The following GAREM2 variants were observed in gnomAD, a reference collection of about 807,000 sequenced individuals.
GAREM2 encodes the protein GRB2 associated regulator of MAPK1 subtype 2, also known as GRB2-associated and regulator of MAPK protein 2.
GAREM2 carries 30 observed loss-of-function variants against 55.6 expected under a neutral mutation model. The observed-to-expected ratio is 0.54, with a 90% CI of 0.40 to 0.73. The LOEUF (loss-of-function observed/expected upper bound fraction) is 0.73. Ranked by LOEUF, GAREM2 falls within the 30% of genes least tolerant of loss-of-function variation. The pLI, the probability that GAREM2 is intolerant of heterozygous loss-of-function variation, is 0.00. For missense variants in GAREM2, 1,075 were observed against 1,257.7 expected (o/e 0.85, Z 2.20); for synonymous variants, 550 against 569.1 (o/e 0.97, Z 0.48).
chr2:26,193,821 C>T (rs1260233636), downstream of GAREM2: 28 of 1,450,174 alleles, frequency 1.9e-5, no homozygotes, highest in Non-Finnish European at 2.7e-5. Context: ...AGCCCAAATC[C>T]CCCCAAAGGG....
At chr2:26,203,929 A>G in the GAREM2 span, 2 of 896,458 alleles carry the variant, frequency 2.2e-6, no homozygotes, top group Non-Finnish European at 3.7e-6. Context: ...TCTAGAACTC[A>G]TTATGTTCAG....
downstream of GAREM2, chr2:26,192,447 G>A: frequency 1.6e-6 from 2 of 1,238,888 alleles, no homozygotes; most frequent in Non-Finnish European, 2.4e-6. Context: ...AGAAAAGGGA[G>A]TGTTACTATT....
Position 26,187,116 on chromosome 2 carries a change from G to A in GAREM2, c.1599-115G>A, listed in dbSNP as rs544207811. 2.3e-6 allele frequency: 3 copies of A among 1,302,586 alleles called. No individual in the cohort carries two copies. The African/African-American group carries it at 4.6e-5, about 20-fold the overall frequency. The allele number at this position is 1,302,586 out of a possible 1,614,324, so 80.7% of individuals were successfully genotyped here. A position where few individuals can be genotyped will look rare whatever the true frequency, so the allele number is the denominator to read the frequency against. ...GAGGGTCTTGGGCTGGGGCTGGGGTGCAGGCCCGTGTTGCTGAGGTCATAG... is the reference window on the plus strand; with the variant it reads ...GAGGGTCTTGGGCTGGGGCTGGGGTACAGGCCCGTGTTGCTGAGGTCATAG... On this transcript the variant is annotated intron_variant, in intron 5 of 5. Transcript: ENST00000401533.
the GAREM2 span, among the ~76,000 whole-genome samples, chr2:26,200,258 G>A: frequency 2.0e-5 from 3 of 152,112 alleles, no homozygotes; most frequent in African/African-American, 7.2e-5. Context: ...ATCATTTCAT[G>A]TTCACCTTTC....
chr2:26,190,925 C>G, downstream of GAREM2: 1 of 480,198 alleles, frequency 2.1e-6, no homozygotes, highest in Non-Finnish European at 3.8e-6. Context: ...CAGAACTGCC[C>G]TCACCACCCC....
At chr2:26,175,393 A>G (rs1022907446) in intron 1 of GAREM2, among the ~76,000 whole-genome samples, 1 of 152,120 alleles carries the variant, frequency 6.6e-6, no homozygotes, top group South Asian at 2.1e-4. Flanking sequence ...CCCAGGCCCC[A>G]GGGCTGGGCC....
chr2:26,178,959 G>A (rs1668955860), intron 2 of GAREM2, among the ~76,000 whole-genome samples: 1 of 151,728 alleles, frequency 6.6e-6, no homozygotes, highest in African/African-American at 2.4e-5. Context: ...GGCGCTGAGT[G>A]CACGGCTGGG....
chr2:26,198,293 T>G, the GAREM2 span, among the ~76,000 whole-genome samples: 28 of 152,250 alleles, frequency 1.8e-4, no homozygotes, highest in African/African-American at 6.0e-4. Context: ...CTATTAACTA[T>G]TAGCTTTATC....
intron 2 of GAREM2, among the ~76,000 whole-genome samples, chr2:26,178,889 A>AGGAGGAGGAGGCGGAGGCGGAGGC (rs1553309896): frequency 4.0e-5 from 6 of 149,704 alleles, no homozygotes; most frequent in Non-Finnish European, 5.9e-5. Flanking sequence ...GGAGGGGAGG[A>AGGAGGAGGAGGCGGAGGCGGAGGC]GGAGGCGGAG....
Position 26,185,158 on chromosome 2 carries a change from G to A in GAREM2, c.1310G>A (p.Gly437Glu), listed in dbSNP as rs1216919109. 1.0e-5 allele frequency: 15 copies of A among 1,504,376 alleles called. No individual in the cohort carries two copies. Among genetic ancestry groups the A allele is most frequent in the Middle Eastern group, 4.6e-4 (2 of 4,306 alleles). 93.2% of individuals were successfully genotyped at this position (1,504,376 alleles called of 1,614,324 possible). A position where few individuals can be genotyped will look rare whatever the true frequency, so the allele number is the denominator to read the frequency against. The change falls in exon 4 of 6, where the codon GGG becomes GAG. Residue 437 changes from glycine to glutamate, a missense_variant. Physicochemically the swap from Gly to Glu is moderately conservative, Grantham distance 98 (BLOSUM62 -2). Coordinates refer to ENST00000401533, the MANE Select transcript of GAREM2 (RefSeq NM_001168241.2). ...TACGAGGAGTTGTGGGCGCACCAGG[G>A]GCCCGAGGGCCTCGTCCGGCCGCCC... ...IPYEELWAHQ[G>E]PEGLVRPPPG...
At chr2:26,196,790 C>A in the GAREM2 span, among the ~76,000 whole-genome samples, 1 of 152,164 alleles carries the variant, frequency 6.6e-6, no homozygotes, top group Non-Finnish European at 1.5e-5. Context: ...AACGGCATCG[C>A]CTGTACTGAT....
chr2:26,187,356 C>T lies in GAREM2; in HGVS notation c.1724C>T (p.Pro575Leu), dbSNP rs763394474. Residue 575 changes from proline to leucine, a missense_variant, in exon 6 of 6, where the codon CCC (proline) becomes CTC (leucine). Physicochemically the swap from Pro to Leu is moderately conservative, Grantham distance 98 (BLOSUM62 -3). Coordinates refer to ENST00000401533, the MANE Select transcript of GAREM2 (RefSeq NM_001168241.2). ...AGCCGCCCAGCCCCCGGTCCCCTAC[C>T]CTCAACCACACAGCCCAGCCAGGCC... ...SSSRPAPGPL[P>L]STTQPSQASR... 1.3e-6 allele frequency: 2 copies of T among 1,546,874 alleles called. No homozygotes were observed. The highest frequency in any genetic ancestry group is 2.0e-5 in the Admixed American group (1 of 50,210).
chr2:26,188,122 C>T lies in GAREM2; in HGVS notation c.2490C>T (p.Phe830=). The change falls in exon 6 of 6, where the codon TTC becomes TTT. Residue 830 remains phenylalanine (F), a synonymous_variant. Coordinates refer to ENST00000401533, the MANE Select transcript of GAREM2 (RefSeq NM_001168241.2). ...FIGLSEDVVS[F]FARERIDGSI... Reference sequence around the variant, plus strand: ...GGCTCTCAGAGGATGTGGTGAGCTTCTTTGCCCGAGAACGCATCGATGGTA... The same window carrying T: ...GGCTCTCAGAGGATGTGGTGAGCTTTTTTGCCCGAGAACGCATCGATGGTA... The T allele has an allele frequency of 6.4e-7, 1 of 1,551,496 alleles. No homozygotes were observed. The highest frequency in any genetic ancestry group is 8.7e-7 in the Non-Finnish European group (1 of 1,146,826).
At chr2:26,178,950 G>T (rs1162819210) in intron 2 of GAREM2, among the ~76,000 whole-genome samples, 1 of 149,844 alleles carries the variant, frequency 6.7e-6, no homozygotes, top group East Asian at 2.1e-4. Flanking sequence ...TAACGAGGAG[G>T]CGCTGAGTGC....
At chr2:26,203,975 A>G in the GAREM2 span, 3 of 1,350,380 alleles carry the variant, frequency 2.2e-6, no homozygotes, top group Non-Finnish European at 3.2e-6. Context: ...ACAAACAAAC[A>G]AAAAAACCCA....
Position 26,176,490 on chromosome 2 carries a change from T to C in GAREM2, c.253+6T>C. 6.5e-7 allele frequency: 1 copy of C among 1,538,640 alleles called. No individual in the cohort carries two copies. The highest frequency in any genetic ancestry group is 8.8e-7 in the Non-Finnish European group (1 of 1,139,456). ...CATCCCCCTGCAGTACCCAGGTGTGTCCAGCCAGGACAGATGTCATAAAGC... is the reference window on the plus strand; with the variant it reads ...CATCCCCCTGCAGTACCCAGGTGTGCCCAGCCAGGACAGATGTCATAAAGC... On this transcript the variant is annotated splice_donor_region_variant and intron_variant, in intron 2 of 5. Coordinates refer to ENST00000401533, the MANE Select transcript of GAREM2 (RefSeq NM_001168241.2).
Position 26,187,581 on chromosome 2 carries a change from C to T in GAREM2, c.1949C>T (p.Pro650Leu), listed in dbSNP as rs1669321237. The T allele has an allele frequency of 6.5e-7, 1 of 1,548,526 alleles. No homozygotes were observed. Among genetic ancestry groups the T allele is most frequent in the Non-Finnish European group, 8.7e-7 (1 of 1,145,414 alleles). ...CCTTCAGCGGCCTTGTCTTCTGGGCCCAGAACCACCTCGGGTCCTGTGGCT... is the reference window on the plus strand; with the variant it reads ...CCTTCAGCGGCCTTGTCTTCTGGGCTCAGAACCACCTCGGGTCCTGTGGCT... ...SGPSAALSSG[P>L]RTTSGPVATS... Residue 650 changes from proline (P) to leucine (L), a missense_variant, in exon 6 of 6, where the codon CCC becomes CTC. Pro to Leu is a moderately conservative substitution (Grantham distance 98, BLOSUM62 -3). Around this residue, in one of 6 missense-constraint regions of GAREM2, gnomAD observed 515 missense variants for 501.5 expected, o/e 1.03. Transcript: ENST00000401533.
rs537981003 is a variant in GAREM2 at position 26,188,078 on chromosome 2, C to T, written c.2446C>T (p.Arg816Cys). ...LSALSLEEVSRSLRFIGLSED... is the reference protein window; with the variant it reads ...LSALSLEEVSCSLRFIGLSED... ...TGCACTCTCCCTGGAGGAGGTCTCTCGCAGTCTGCGTTTCATCGGGCTCTC... is the reference window on the plus strand; with the variant it reads ...TGCACTCTCCCTGGAGGAGGTCTCTTGCAGTCTGCGTTTCATCGGGCTCTC... The change falls in exon 6 of 6, where the codon CGC (arginine) becomes TGC (cysteine). Residue 816 changes from arginine to cysteine, a missense_variant. By Grantham distance (180) the Arg-to-Cys change is radical. Transcript: ENST00000401533. The T allele has an allele frequency of 9.0e-6, 14 of 1,548,582 alleles. No homozygotes were observed. The South Asian group carries it at 9.6e-5, about 11-fold the overall frequency.
the GAREM2 span, chr2:26,197,705 T>C: frequency 8.2e-5 from 121 of 1,483,198 alleles, no homozygotes; most frequent in East Asian, 8.1e-4. Context: ...TCAGGTCTTT[T>C]GCTGACAGCA....
Sources: gnomAD v4.1 joint callset for allele counts (sites outside exome capture counted in the v4.1 genomes callset) on GRCh38, gnomAD v4.1.1 for gene constraint, gnomAD v4.1.1 regional missense constraint, MANE v1.5 for transcripts, NCBI Gene and HGNC (gene_info 2026-07-23, HGNC 2026-07-21) for gene names.